PI4KA: variants seen among roughly 807,000 people sequenced by gnomAD.
PI4KA encodes the protein PI4-kinase alpha.
In PI4KA, 122 loss-of-function variants were observed where a neutral mutation model predicts 271.4. That is an observed-to-expected ratio of 0.45 (90% CI 0.39 to 0.52). The LOEUF (loss-of-function observed/expected upper bound fraction) is 0.52. Among genes scored for constraint, PI4KA ranks in the 20% least tolerant of loss-of-function variants. The pLI, the probability that PI4KA is intolerant of heterozygous loss-of-function variation, is 0.00. For synonymous variants in PI4KA, 1,041 were observed against 1,078.8 expected (o/e 0.96, Z 0.69); for missense variants, 1,969 against 2,769.1 (o/e 0.71, Z 6.48).
intron 1 of PI4KA, among the ~76,000 whole-genome samples, chr22:20,846,888 C>T (rs1182304846): frequency 6.6e-6 from 1 of 150,466 alleles, no homozygotes; most frequent in African/African-American, 2.4e-5. Context: ...TGGCTCATGC[C>T]TGTAATCCCA....
intron 3 of PI4KA, among the ~76,000 whole-genome samples, chr22:20,828,491 T>C (rs1459575289): frequency 3.9e-5 from 6 of 152,178 alleles, no homozygotes; most frequent in Non-Finnish European, 1.5e-5. Context: ...GGCTATGGGT[T>C]TGTCATAGAT....
intron 19 of PI4KA, chr22:20,787,173 C>A: frequency 9.6e-7 from 1 of 1,046,372 alleles, no homozygotes; most frequent in Non-Finnish European, 1.5e-6. Context: ...GTTTACGCTA[C>A]CAATCTGAAT....
chr22:20,730,030 T>G lies in PI4KA; in HGVS notation c.4289-19A>C. On this transcript the variant is annotated intron_variant, in intron 36 of 54. Coordinates refer to ENST00000255882, the MANE Select transcript of PI4KA (RefSeq NM_058004.4). ...TGATTATCTGAGGGCAAACACATTG[T>G]TGATTCTAGAGTGAGGTGGCTCAAG... 1 of 1,613,744 alleles carries G rather than the reference T, an allele frequency of 6.2e-7. No individual in the cohort carries two copies. The highest frequency in any genetic ancestry group is 8.5e-7 in the Non-Finnish European group (1 of 1,179,784).
rs1402844512 is a variant in PI4KA, at chr22:20,742,114, A to C, written c.3741+114T>G. On this transcript the variant is annotated intron_variant, in intron 32 of 54. Transcript: ENST00000255882. ...ATCTGTAAGGAGACTGAGGCTTGAG[A>C]AGGTGAGGGGCTTGCCCAGTGTCTC... The C allele has an allele frequency of 2.9e-6, 3 of 1,037,292 alleles. No homozygotes were observed. The African/African-American group carries it at 4.8e-5, about 17-fold the overall frequency. The allele number at this position is 1,037,292 out of a possible 1,614,324, so 64.3% of individuals were successfully genotyped here. A position where few individuals can be genotyped will look rare whatever the true frequency, so the allele number is the denominator to read the frequency against.
At chr22:20,820,848 G>C (rs1056155238) in intron 4 of PI4KA, among the ~76,000 whole-genome samples, 1 of 152,134 alleles carries the variant, frequency 6.6e-6, no homozygotes, top group African/African-American at 2.4e-5. Context: ...TGTCCTCCTG[G>C]GGCTTGTACC....
Position 20,798,617 on chromosome 22 carries a change from G to A in PI4KA, c.2075C>T (p.Ser692Leu), listed in dbSNP as rs1364195527. The change falls in exon 17 of 55, where the codon TCA becomes TTA. Residue 692 changes from serine (S) to leucine (L), a missense_variant. Transcript: ENST00000255882. ...GTGGTCCTTGTAATCTTTGGTGGCT[G>A]AGTATACAACGGAGCTGGCCTTCAC... is the stretch of plus-strand genomic sequence containing the variant. ...ISVKASSVVY[S>L]ATKDYKDHGY... is the part of the protein sequence containing the mutation. 5 of 1,612,926 alleles carry A rather than the reference G, an allele frequency of 3.1e-6. No individual in the cohort carries two copies. The Admixed American group carries it at 5.0e-5, about 16-fold the overall frequency.
intron 23 of PI4KA, among the ~76,000 whole-genome samples, chr22:20,756,056 A>G (rs901137526): frequency 6.6e-6 from 1 of 152,104 alleles, no homozygotes; most frequent in African/African-American, 2.4e-5. Flanking sequence ...TTTCATAGCT[A>G]TCTGTTATAA....
At chr22:20,786,841 C>T (rs1227011097) in intron 19 of PI4KA, 1 of 1,607,886 alleles carries the variant, frequency 6.2e-7, no homozygotes, top group African/African-American at 1.3e-5. Context: ...TGTGTGCTGA[C>T]CTCCAGAATC....
intron 22 of PI4KA, among the ~76,000 whole-genome samples, chr22:20,764,368 G>A (rs1418986645): frequency 1.3e-5 from 2 of 152,198 alleles, no homozygotes; most frequent in Non-Finnish European, 1.5e-5. Flanking sequence ...TGTGGCCACA[G>A]ATGTGTCCTG....
rs182212352 is a variant in PI4KA at position 20,760,412 on chromosome 22, G to A, written c.2791+892C>T. On this transcript the variant is annotated intron_variant, in intron 23 of 54. Transcript: ENST00000255882. ...AAAACTGGCCAAAAAGTGCTTATAC[G>A]CAGCATTTAACTTTTTCCTTTGTTG... 2.0e-3 allele frequency among the ~76,000 whole-genome samples: 309 copies of A among 152,186 alleles called. 1 individual carries two copies. Among genetic ancestry groups the A allele is most frequent in the South Asian group, 2.3e-3 (11 of 4,816 alleles).
chr22:20,741,114 G>A lies in PI4KA; in HGVS notation c.3741+1114C>T, dbSNP rs569946127. On this transcript the variant is annotated intron_variant, in intron 32 of 54. Coordinates refer to ENST00000255882, the MANE Select transcript of PI4KA (RefSeq NM_058004.4). Reference sequence around the variant, plus strand: ...ATTATAAGGTCTAATGCATATAGTAGTAAAATATGAAAACAGGACACAAGG... The same window carrying A: ...ATTATAAGGTCTAATGCATATAGTAATAAAATATGAAAACAGGACACAAGG... Among the ~76,000 whole-genome samples the A allele has an allele frequency of 2.0e-5, 3 of 152,330 alleles. No individual in the cohort carries two copies. In the South Asian group the frequency reaches 6.2e-4, roughly 32 times the overall value.
chr22:20,815,573 A>T (rs1921690679), intron 7 of PI4KA, among the ~76,000 whole-genome samples: 1 of 152,178 alleles, frequency 6.6e-6, no homozygotes, highest in Admixed American at 6.5e-5. Flanking sequence ...CAAAGCTGGT[A>T]TCTCACAGCT....
At chr22:20,813,618 T>C (rs1921361253) in intron 7 of PI4KA, 112 bp from the exon 8 acceptor site, 3 of 834,468 alleles carry the variant, frequency 3.6e-6, no homozygotes, top group Non-Finnish European at 5.7e-6. Flanking sequence ...TTTATTTATA[T>C]CCCAATTCTC....
rs537711238 is a variant in PI4KA at position 20,803,210 on chromosome 22, G to A, written c.1572C>T (p.Tyr524=). The change falls in exon 13 of 55, where the codon TAC becomes TAT. Residue 524 remains tyrosine (Y), a synonymous_variant. Transcript: ENST00000255882. ...PSPVLVKLYK[Y]HSQYHTVAGN... ...TATTACCTGTGTGGTACTGACTGTGGTACTTGTAGAGCTTCACCAGAACTG... is the reference window on the plus strand; with the variant it reads ...TATTACCTGTGTGGTACTGACTGTGATACTTGTAGAGCTTCACCAGAACTG... 6.2e-7 allele frequency: 1 copy of A among 1,614,108 alleles called. No individual in the cohort carries two copies. Among genetic ancestry groups the A allele is most frequent in the South Asian group, 1.1e-5 (1 of 91,086 alleles).
intron 19 of PI4KA, among the ~76,000 whole-genome samples, chr22:20,787,922 C>T (rs1934376152): frequency 6.6e-6 from 1 of 152,132 alleles, no homozygotes; most frequent in African/African-American, 2.4e-5. Context: ...CTGTGGGGTG[C>T]TAAGTGGCAC....
At chr22:20,766,197 A>G (rs757887080) in intron 19 of PI4KA, among the ~76,000 whole-genome samples, 3 of 151,958 alleles carry the variant, frequency 2.0e-5, no homozygotes, top group African/African-American at 4.8e-5. Context: ...GGGAGAGCAC[A>G]AGAACTCTCA....
chr22:20,834,747 T>C (rs755225014), intron 2 of PI4KA, 92 bp from the exon 3 acceptor site: 6 of 733,788 alleles, frequency 8.2e-6, no homozygotes, highest in Non-Finnish European at 1.2e-5. Flanking sequence ...GCAAAGCATA[T>C]CCACATCCTA....
chr22:20,745,090 G>A (rs938831616), intron 29 of PI4KA, among the ~76,000 whole-genome samples: 4 of 152,308 alleles, frequency 2.6e-5, no homozygotes, highest in African/African-American at 7.2e-5. Context: ...CTTACAGACC[G>A]TAAAGGGGCT....
At chr22:20,812,642 C>T (rs1479140441) in intron 8 of PI4KA, among the ~76,000 whole-genome samples, 2 of 152,320 alleles carry the variant, frequency 1.3e-5, no homozygotes, top group East Asian at 3.9e-4. Flanking sequence ...CAACCTCCAC[C>T]TCCAAGGTTC....
Sources: gnomAD v4.1 joint callset for allele counts (sites outside exome capture counted in the v4.1 genomes callset) on GRCh38, gnomAD v4.1.1 for gene constraint, MANE v1.5 for transcripts, NCBI Gene and HGNC (gene_info 2026-07-23, HGNC 2026-07-21) for gene names.